MZT2A: variants seen among roughly 807,000 people sequenced by gnomAD.
MZT2A encodes the protein mitotic-spindle organizing protein 2A.
MZT2A carries 8 observed loss-of-function variants against 12.4 expected under a neutral mutation model. The observed-to-expected ratio is 0.64, with a 90% CI of 0.38 to 1.16. The LOEUF (loss-of-function observed/expected upper bound fraction) is 1.16. MZT2A is among the 50% of genes most tolerant of loss of function. MZT2A has a pLI of 0.01. For synonymous variants in MZT2A, 88 were observed against 107.5 expected (o/e 0.82, Z 1.12); for missense variants, 181 against 223.6 (o/e 0.81, Z 1.22).
At chr2:131,475,319 CTTTT>C (rs551443616) in intron 2 of MZT2A, among the ~76,000 whole-genome samples, 33 of 94,532 alleles carry the variant, frequency 3.5e-4, no homozygotes, top group East Asian at 2.9e-3. Context: ...TCCTTTCTTC[CTTTT>C]TTTTTTTTTT....
At chr2:131,492,778 CTTCGGGGGGGGTGG>C, upstream of MZT2A, 1 of 887,466 alleles carries the variant, frequency 1.1e-6, no homozygotes. Context: ...AGGGGTCGCT[CTTCGGGGGGGGTGG>C]GGGGCACTAA....
chr2:131,493,685 C>CAA (rs34522606), upstream of MZT2A, among the ~76,000 whole-genome samples: 22 of 151,564 alleles, frequency 1.5e-4, no homozygotes, highest in East Asian at 3.9e-4. Flanking sequence ...CAAAACGAAA[C>CAA]AAAAAAAACA....
At chr2:131,475,417 C>T (rs527384110) in intron 2 of MZT2A, among the ~76,000 whole-genome samples, 61 of 147,116 alleles carry the variant, frequency 4.1e-4, no homozygotes, top group African/African-American at 1.4e-3. Flanking sequence ...GCAACAACTG[C>T]CTCCCAGTTT....
At chr2:131,478,207 T>A in intron 2 of MZT2A, 1 of 1,614,142 alleles carries the variant, frequency 6.2e-7, no homozygotes, top group Non-Finnish European at 8.5e-7. Context: ...GGTGTCCAGA[T>A]CGGCAATGCC....
chr2:131,478,515 T>C (rs1423125280), intron 2 of MZT2A: 13 of 1,387,094 alleles, frequency 9.4e-6, no homozygotes, highest in Middle Eastern at 2.6e-4. Flanking sequence ...CATGGCATTG[T>C]TAGGAGAGAA....
intron 2 of MZT2A, among the ~76,000 whole-genome samples, chr2:131,487,924 G>A (rs1679120793): frequency 6.6e-6 from 1 of 152,176 alleles, no homozygotes; most frequent in Admixed American, 6.5e-5. Flanking sequence ...GTGCCACCAT[G>A]CCCTGCTAAT....
chr2:131,475,492 G>A (rs1426148160), intron 2 of MZT2A, among the ~76,000 whole-genome samples: 1 of 151,638 alleles, frequency 6.6e-6, no homozygotes, highest in African/African-American at 2.4e-5. Context: ...ACCAGCCAGG[G>A]TAATTTTTGT....
chr2:131,488,765 G>A (rs1338412739), intron 2 of MZT2A, among the ~76,000 whole-genome samples: 2 of 151,928 alleles, frequency 1.3e-5, no homozygotes, highest in African/African-American at 2.4e-5. Flanking sequence ...ATGGGGCCTC[G>A]GTGCCCTCAT....
chr2:131,492,956 G>C, upstream of MZT2A: 1 of 1,513,636 alleles, frequency 6.6e-7, no homozygotes, highest in Non-Finnish European at 8.9e-7. Flanking sequence ...CCCCTCCCTG[G>C]CCGGCCGGCC....
intron 2 of MZT2A, among the ~76,000 whole-genome samples, chr2:131,485,946 C>T (rs181700519): frequency 6.6e-6 from 1 of 151,948 alleles, no homozygotes; most frequent in East Asian, 1.9e-4. Flanking sequence ...TCCCCATACC[C>T]TGCAGGGATA....
At chr2:131,478,180 T>C (rs760926055) in intron 2 of MZT2A, 17 of 1,613,580 alleles carry the variant, frequency 1.1e-5, no homozygotes, top group Non-Finnish European at 1.4e-5. Flanking sequence ...TGTATCTCTA[T>C]CCACGTGGGG....
chr2:131,488,351 G>A (rs186614981), intron 2 of MZT2A, among the ~76,000 whole-genome samples: 1 of 152,262 alleles, frequency 6.6e-6, no homozygotes, highest in African/African-American at 2.4e-5. Flanking sequence ...CCTTCCCTGT[G>A]GGTATGAGTG....
chr2:131,492,100 G>A (rs1362116622), intron 1 of MZT2A, 76 bp from the exon 2 acceptor site: 1 of 1,562,232 alleles, frequency 6.4e-7, no homozygotes, highest in East Asian at 2.4e-5. Context: ...GGACAAGGAC[G>A]GGGGCGGGGG....
intron 2 of MZT2A, chr2:131,476,107 C>A: frequency 6.3e-7 from 1 of 1,594,406 alleles, no homozygotes. Context: ...CCGTGCGGCG[C>A]GCACAGGCAG....
rs545160871 is a variant in MZT2A at position 131,490,299 on chromosome 2, G to A, written c.319+1577C>T. 35 of 1,021,396 alleles carry A rather than the reference G, an allele frequency of 3.4e-5. No individual in the cohort carries two copies. The South Asian group carries it at 8.8e-4, about 26-fold the overall frequency. 63.3% of individuals were successfully genotyped at this position (1,021,396 alleles called of 1,614,324 possible). On this transcript the variant is annotated intron_variant, in intron 2 of 2. Coordinates refer to ENST00000309451, the MANE Select transcript of MZT2A (RefSeq NM_001085365.2). ...GGCACTGCCTGGCAGACTCTGGGAA[G>A]GTGGGAGTCTCTGTTTCAGCCTCCA...
Position 131,490,947 on chromosome 2 carries a change from G to A in MZT2A, c.319+929C>T, listed in dbSNP as rs946416304. ...CAGACAGAGCGAGGGTCAGTGAAGA[G>A]GCCAGCACGCAGGTGCCCGGGCCCT... On this transcript the variant is annotated intron_variant, in intron 2 of 2. Transcript: ENST00000309451. 1.4e-5 allele frequency: 21 copies of A among 1,549,298 alleles called. No homozygotes were observed. In the African/African-American group the frequency reaches 2.3e-4, roughly 17 times the overall value.
downstream of MZT2A, among the ~76,000 whole-genome samples, chr2:131,483,425 G>A (rs1051067925): frequency 5.2e-4 from 79 of 152,206 alleles, no homozygotes; most frequent in African/African-American, 1.8e-3. Context: ...GGAAGGCAGC[G>A]TTCGCCCTCT....
At chr2:131,479,328 T>C (rs1408624993), downstream of MZT2A, 4 of 1,613,938 alleles carry the variant, frequency 2.5e-6, no homozygotes, top group Non-Finnish European at 3.4e-6. Context: ...CACAGGGACC[T>C]ACAGGCAGCT....
chr2:131,488,554 C>T (rs1679149227), intron 2 of MZT2A, among the ~76,000 whole-genome samples: 1 of 151,558 alleles, frequency 6.6e-6, no homozygotes, highest in South Asian at 2.1e-4. Flanking sequence ...CTCCGACAAC[C>T]CCCCTGCCAT....
Sources: allele counts gnomAD v4.1 joint callset (sites outside exome capture counted in the v4.1 genomes callset), GRCh38; gene constraint gnomAD v4.1.1; transcripts MANE v1.5; gene names NCBI Gene and HGNC (gene_info 2026-07-23, HGNC 2026-07-21).